The following TDRD9 variants were observed in gnomAD, a reference collection of about 807,000 sequenced individuals.
TDRD9 encodes the protein ATP-dependent RNA helicase TDRD9.
Under a neutral mutation model 172.6 loss-of-function variants are expected in TDRD9, and 124 were observed. The ratio of observed to expected loss-of-function variants is 0.72; its 90% CI spans 0.62 to 0.83. The LOEUF is 0.83. Among genes scored for constraint, TDRD9 ranks in the 40% least tolerant of loss-of-function variants. The pLI, the probability that TDRD9 is intolerant of heterozygous loss-of-function variation, is 0.00. For missense variants in TDRD9, 1,479 were observed against 1,714.1 expected (o/e 0.86, Z 2.42); for synonymous variants, 619 against 617.1 (o/e 1.00, Z -0.05).
At chr14:104,034,893 C>CG (rs2035403042) in intron 31 of TDRD9, 67 bp from the exon 32 acceptor site, 1 of 1,271,394 alleles carries the variant, frequency 7.9e-7, no homozygotes, top group East Asian at 2.5e-5. Context: ...AGGAGCGGGC[C>CG]GGGAGGGAAC....
At chr14:103,968,568 C>T (rs557917977) in intron 5 of TDRD9, among the ~76,000 whole-genome samples, 7 of 151,328 alleles carry the variant, frequency 4.6e-5, no homozygotes, top group African/African-American at 1.5e-4. Context: ...GGGCGGATCA[C>T]GAGGATTTGT....
chr14:103,984,671 A>C (rs952343046), intron 7 of TDRD9, among the ~76,000 whole-genome samples: 2 of 152,206 alleles, frequency 1.3e-5, no homozygotes, highest in Admixed American at 1.3e-4. Flanking sequence ...GCAGAGCAGA[A>C]GGAAATGTGG....
chr14:103,989,963 T>C (rs1204890319), intron 8 of TDRD9, among the ~76,000 whole-genome samples: 1 of 152,236 alleles, frequency 6.6e-6, no homozygotes, highest in Non-Finnish European at 1.5e-5. Flanking sequence ...TTATCAGTCT[T>C]GCCATTTCCA....
intron 21 of TDRD9, 22 bp downstream of exon 21, chr14:104,014,863 A>ATT (rs59025288): frequency 3.0e-4 from 398 of 1,319,382 alleles, no homozygotes; most frequent in Non-Finnish European, 3.2e-4. Flanking sequence ...TTTCCTGGAT[A>ATT]TTTTTTTTCC....
intron 1 of TDRD9, chr14:103,941,317 G>C (rs2031216318): frequency 2.7e-6 from 3 of 1,093,736 alleles, no homozygotes; most frequent in East Asian, 2.6e-5. Context: ...TTACATGATA[G>C]AATACAGTTT....
chr14:103,975,187 G>A (rs113147142), intron 6 of TDRD9, among the ~76,000 whole-genome samples: 3 of 152,216 alleles, frequency 2.0e-5, no homozygotes, highest in African/African-American at 4.8e-5. Flanking sequence ...AAAGGTACTC[G>A]AAGAGAAATA....
At chr14:103,991,070 A>G (rs1034878310) in intron 8 of TDRD9, 90 bp from the exon 9 acceptor site, 82 of 1,477,284 alleles carry the variant, frequency 5.6e-5, no homozygotes, top group Middle Eastern at 3.7e-4. Flanking sequence ...AGAGCCTTTC[A>G]GGATTAAAAG....
Position 103,968,561 on chromosome 14 carries a change from C to T in TDRD9, c.765+1730C>T, listed in dbSNP as rs192654655. Among the ~76,000 whole-genome samples, 453 of 151,384 alleles carry T rather than the reference C, an allele frequency of 3.0e-3. 4 individuals carry two copies. The highest frequency in any genetic ancestry group is 0.011 in the African/African-American group (439 of 41,294). On this transcript the variant is annotated intron_variant, in intron 5 of 35. Coordinates refer to ENST00000409874, the MANE Select transcript of TDRD9 (RefSeq NM_153046.3). ...CAGCACTTTGGGAGGCCGAGGTGGG[C>T]GGATCACGAGGATTTGTGAGATCAG...
chr14:103,957,049 A>G (rs74985038), intron 2 of TDRD9, among the ~76,000 whole-genome samples: 3,530 of 152,324 alleles, frequency 0.023, 79 homozygotes, highest in East Asian at 0.071. Flanking sequence ...AAATACAGTC[A>G]ATACATAATA....
At chr14:104,004,357 C>T (rs1471634331) in intron 14 of TDRD9, 22 bp downstream of exon 14, 1 of 1,201,362 alleles carries the variant, frequency 8.3e-7, no homozygotes, top group Middle Eastern at 2.0e-4. Context: ...TGGTCATTGT[C>T]AAAGTTTATT....
At chr14:103,975,594 CTTGTA>C in intron 7 of TDRD9, 41 bp downstream of exon 7, 1 of 1,538,972 alleles carries the variant, frequency 6.5e-7, no homozygotes. Context: ...TGAGCGTACT[CTTGTA>C]TTGGATCAAA....
intron 1 of TDRD9, among the ~76,000 whole-genome samples, chr14:103,950,430 C>T (rs578244554): frequency 2.6e-5 from 4 of 152,278 alleles, no homozygotes; most frequent in African/African-American, 7.2e-5. Flanking sequence ...CTTCTTCCAC[C>T]ACAATGATTA....
chr14:103,950,728 A>G (rs189069833), intron 1 of TDRD9, among the ~76,000 whole-genome samples: 79 of 152,312 alleles, frequency 5.2e-4, no homozygotes, highest in African/African-American at 9.1e-4. Flanking sequence ...CAAAAACCGC[A>G]TGTGTGAAAT....
At chr14:103,999,255 A>C (rs1020639545) in intron 13 of TDRD9, among the ~76,000 whole-genome samples, 1 of 152,208 alleles carries the variant, frequency 6.6e-6, no homozygotes, top group Non-Finnish European at 1.5e-5. Context: ...CTTTGTACAT[A>C]ATGGATAAAC....
chr14:103,994,354 G>A lies in TDRD9; in HGVS notation c.1203G>A (p.Met401Ile), dbSNP rs1223598163. The A allele has an allele frequency of 6.2e-7, 1 of 1,613,600 alleles. No individual in the cohort carries two copies. Among genetic ancestry groups the A allele is most frequent in the South Asian group, 1.1e-5 (1 of 91,054 alleles). ...TAGGTCTGGGTGAAATAAATTATAT[G>A]CATGAACTTCTCACAAGCCTGGTTC... ...FLPGLGEINYMHELLTSLVHK... is the reference protein window; with the variant it reads ...FLPGLGEINYIHELLTSLVHK... Residue 401 changes from methionine (M) to isoleucine (I), a missense_variant, in exon 10 of 36, where the codon ATG becomes ATA. Physicochemically the swap from Met to Ile is conservative, Grantham distance 10 (BLOSUM62 1). Around this residue, in one of 3 missense-constraint regions of TDRD9, gnomAD observed 1,413 missense variants for 1,649.1 expected, o/e 0.86. Coordinates refer to ENST00000409874, the MANE Select transcript of TDRD9 (RefSeq NM_153046.3).
At chr14:103,968,253 C>T (rs984561053) in intron 5 of TDRD9, among the ~76,000 whole-genome samples, 2 of 152,232 alleles carry the variant, frequency 1.3e-5, no homozygotes, top group African/African-American at 2.4e-5. Context: ...CGCGCCATCA[C>T]GGCAGCTTCC....
At chr14:103,992,924 C>CAAAA (rs35212615) in intron 9 of TDRD9, among the ~76,000 whole-genome samples, 3,376 of 58,536 alleles carry the variant, frequency 0.058, 249 homozygotes, top group African/African-American at 0.081. Context: ...GACTCCATCT[C>CAAAA]AAAAAAAAAA....
rs1161564665 is a variant in TDRD9, at chr14:103,966,873, C to T, written c.765+42C>T. On this transcript the variant is annotated intron_variant, in intron 5 of 35. Coordinates refer to ENST00000409874, the MANE Select transcript of TDRD9 (RefSeq NM_153046.3). ...ACTTGTAAAGGTCATATTTATCTCT[C>T]TTAAAAAAACTCTCAGAGTATTGTG... The T allele has an allele frequency of 2.0e-6, 3 of 1,508,348 alleles. No individual in the cohort carries two copies. In the African/African-American group the frequency reaches 4.2e-5, roughly 21 times the overall value. 93.4% of individuals were successfully genotyped at this position (1,508,348 alleles called of 1,614,324 possible).
At chr14:103,930,809 C>A (rs1168043990) in intron 1 of TDRD9, among the ~76,000 whole-genome samples, 1 of 152,118 alleles carries the variant, frequency 6.6e-6, no homozygotes, top group Non-Finnish European at 1.5e-5. Flanking sequence ...TTAAATAACC[C>A]ATTGTAATAT....
Sources: allele counts gnomAD v4.1 joint callset (sites outside exome capture counted in the v4.1 genomes callset), GRCh38; gene constraint gnomAD v4.1.1; regional missense constraint gnomAD v4.1.1; transcripts MANE v1.5; gene names NCBI Gene and HGNC (gene_info 2026-07-23, HGNC 2026-07-21).